RAP1GAP2: variants seen among roughly 807,000 people sequenced by gnomAD.
The protein encoded by RAP1GAP2 is RAP1 GTPase activating protein 2.
In RAP1GAP2, 27 loss-of-function variants were observed where a neutral mutation model predicts 95.0. The ratio of observed to expected loss-of-function variants is 0.28; its 90% CI spans 0.21 to 0.39. RAP1GAP2 has a LOEUF of 0.39. Ranked by LOEUF, RAP1GAP2 falls within the 10% of genes least tolerant of loss-of-function variation. The pLI, the probability that RAP1GAP2 is intolerant of heterozygous loss-of-function variation, is 1.00. For missense variants in RAP1GAP2, 771 were observed against 970.0 expected (o/e 0.79, Z 2.72); for synonymous variants, 373 against 380.9 (o/e 0.98, Z 0.24).
chr17:2,950,061 C>CTTTTTT (rs35321854), intron 3 of RAP1GAP2, among the ~76,000 whole-genome samples: 253 of 141,274 alleles, frequency 1.8e-3, no homozygotes, highest in African/African-American at 5.9e-3. Flanking sequence ...TCTTCTTCTT[C>CTTTTTT]TTTTTTTTTT....
At chr17:2,828,233 C>T (rs1409226804) in intron 2 of RAP1GAP2, among the ~76,000 whole-genome samples, 2 of 152,024 alleles carry the variant, frequency 1.3e-5, no homozygotes, top group Non-Finnish European at 2.9e-5. Context: ...CCCAGCTACT[C>T]GGGAGGCTGA....
chr17:2,889,890 T>TA (rs1491260344), intron 2 of RAP1GAP2, among the ~76,000 whole-genome samples: 3,202 of 28,646 alleles, frequency 0.11, 30 homozygotes, highest in Non-Finnish European at 0.13. Flanking sequence ...TATATATATA[T>TA]TTTTTTTTTT....
rs530339007 is a variant in RAP1GAP2 at position 2,927,687 on chromosome 17, G to A, written c.165+22319G>A. On this transcript the variant is annotated intron_variant, in intron 3 of 24. Coordinates refer to ENST00000254695, the MANE Select transcript of RAP1GAP2 (RefSeq NM_015085.5). ...CACCTCTGGGTGTGAGTGTTGGGGG[G>A]CAGTATTTGGCCTATCACAAGGACC... 2.0e-5 allele frequency among the ~76,000 whole-genome samples: 3 copies of A among 152,318 alleles called. No individual in the cohort carries two copies. The South Asian group carries it at 6.2e-4, about 32-fold the overall frequency.
At chr17:2,989,388 A>G (rs1443896978) in intron 11 of RAP1GAP2, among the ~76,000 whole-genome samples, 1 of 152,044 alleles carries the variant, frequency 6.6e-6, no homozygotes, top group Non-Finnish European at 1.5e-5. Context: ...GCTGGAGTGC[A>G]GTGGTGTGAT....
chr17:3,013,042 G>T (rs2046616275), intron 17 of RAP1GAP2, among the ~76,000 whole-genome samples: 1 of 152,216 alleles, frequency 6.6e-6, no homozygotes, highest in East Asian at 1.9e-4. Flanking sequence ...GGAGGAGAAG[G>T]CTGCCGGGCT....
At chr17:2,928,947 G>GA (rs1168964728) in intron 3 of RAP1GAP2, among the ~76,000 whole-genome samples, 1 of 152,100 alleles carries the variant, frequency 6.6e-6, no homozygotes, top group Admixed American at 6.5e-5. Context: ...CCAGGGTGGG[G>GA]AGCTGTCTGG....
At position 3,033,152 on chromosome 17, in the gene RAP1GAP2, C is replaced by A. The variant is rs1474105661; in HGVS notation, c.*31-240C>A. The A allele has an allele frequency of 2.0e-5, 3 of 152,614 alleles. No homozygotes were observed. The highest frequency in any genetic ancestry group is 7.2e-5 in the African/African-American group (3 of 41,436). 9.5% of individuals were successfully genotyped at this position (152,614 alleles called of 1,614,324 possible). A position where few individuals can be genotyped will look rare whatever the true frequency, so the allele number is the denominator to read the frequency against. On this transcript the variant is annotated intron_variant, in intron 24 of 24. Transcript: ENST00000254695. The surrounding 1 kb of genome is among the most constrained non-coding windows in gnomAD (Gnocchi z 4.9). ...GACAAATGGGCATATGGACCTTCAC[C>A]CCCGGCTCCCATCACGCACTCTGGA...
At chr17:2,828,833 C>T (rs997227530) in intron 2 of RAP1GAP2, among the ~76,000 whole-genome samples, 1 of 152,172 alleles carries the variant, frequency 6.6e-6, no homozygotes, top group African/African-American at 2.4e-5. Flanking sequence ...TTTGCTTGCT[C>T]CCTCTCCAGA....
rs189875602 is a variant in RAP1GAP2 at position 2,866,452 on chromosome 17, G to C, written c.81-38832G>C. ...TAGAATACAAAAACAGAGTCAGTCA[G>C]TGTTATACATGAAACAATTCTGTAA... On this transcript the variant is annotated intron_variant, in intron 2 of 24. Coordinates refer to ENST00000254695, the MANE Select transcript of RAP1GAP2 (RefSeq NM_015085.5). This position sits in a 1 kb window ranked among gnomAD's most constrained non-coding sequence, Gnocchi z 4.0. 1.0e-3 allele frequency among the ~76,000 whole-genome samples: 158 copies of C among 152,326 alleles called. 1 individual carries two copies. The highest frequency in any genetic ancestry group is 3.5e-3 in the African/African-American group (147 of 41,570).
At chr17:3,025,806 T>A (rs1182666969) in intron 19 of RAP1GAP2, among the ~76,000 whole-genome samples, 1 of 152,142 alleles carries the variant, frequency 6.6e-6, no homozygotes, top group African/African-American at 2.4e-5. Flanking sequence ...TAGTCCCTGT[T>A]GTAGGGACCG....
At position 2,915,524 on chromosome 17, in the gene RAP1GAP2, C is replaced by T. The variant is rs986176990; in HGVS notation, c.165+10156C>T. On this transcript the variant is annotated intron_variant, in intron 3 of 24. Transcript: ENST00000254695. ...TGCTGGTATTACAGGCGTGAGCCAA[C>T]GCGCCTGGCCCATTTCTTTTCTTAA... 7.2e-5 allele frequency among the ~76,000 whole-genome samples: 11 copies of T among 152,102 alleles called. No individual in the cohort carries two copies. In the East Asian group the frequency reaches 9.7e-4, roughly 13 times the overall value.
Position 2,906,028 on chromosome 17 carries a change from C to T in RAP1GAP2, c.165+660C>T, listed in dbSNP as rs941478956. On this transcript the variant is annotated intron_variant, in intron 3 of 24. Coordinates refer to ENST00000254695, the MANE Select transcript of RAP1GAP2 (RefSeq NM_015085.5). The surrounding 1 kb of genome is among the most constrained non-coding windows in gnomAD (Gnocchi z 4.3). ...ATGGCCACACAGGCCTGAGCTGGTC[C>T]TCAGAGGAGACTTTTGGCTCAGCCA... Among the ~76,000 whole-genome samples the T allele has an allele frequency of 1.3e-5, 2 of 152,308 alleles. No individual in the cohort carries two copies. Among genetic ancestry groups the T allele is most frequent in the African/African-American group, 4.8e-5 (2 of 41,570 alleles).
At chr17:2,975,676 A>G (rs2045081079) in intron 8 of RAP1GAP2, among the ~76,000 whole-genome samples, 1 of 152,200 alleles carries the variant, frequency 6.6e-6, no homozygotes, top group Non-Finnish European at 1.5e-5. Flanking sequence ...CCTCTTGGAC[A>G]GAGCTGCCCT....
rs370844253 is a variant in RAP1GAP2 at position 2,914,572 on chromosome 17, G to C, written c.165+9204G>C. ...GTGGCCCGATCTCAGCTCACTGCAA[G>C]CTCTGCCTCCTGGGTTCACACCATT... On this transcript the variant is annotated intron_variant, in intron 3 of 24. Coordinates refer to ENST00000254695, the MANE Select transcript of RAP1GAP2 (RefSeq NM_015085.5). Among the ~76,000 whole-genome samples the C allele has an allele frequency of 6.9e-4, 105 of 151,166 alleles. No individual in the cohort carries two copies. The East Asian group carries it at 0.021, about 30-fold the overall frequency.
exon 2 of RAP1GAP2, chr17:2,770,421 G>A (rs549580044): frequency 4.8e-5 from 19 of 398,658 alleles, no homozygotes; most frequent in African/African-American, 1.8e-4. Flanking sequence ...ATCCTCAGCC[G>A]GGCTGACCTC....
At chr17:2,996,729 G>A (rs990619081) in intron 13 of RAP1GAP2, among the ~76,000 whole-genome samples, 1 of 152,254 alleles carries the variant, frequency 6.6e-6, no homozygotes, top group African/African-American at 2.4e-5. Context: ...CCTTGGCACA[G>A]GGCTCGGCTC....
upstream of RAP1GAP2, among the ~76,000 whole-genome samples, chr17:2,794,870 C>CTTTT (rs148825285): frequency 1.0e-4 from 6 of 57,936 alleles, no homozygotes; most frequent in African/African-American, 3.1e-4. Context: ...CGTTTTTTTC[C>CTTTT]TTTTTTTTTT....
At chr17:2,921,726 A>C (rs953243035) in intron 3 of RAP1GAP2, among the ~76,000 whole-genome samples, 5 of 151,730 alleles carry the variant, frequency 3.3e-5, no homozygotes, top group Non-Finnish European at 7.4e-5. Context: ...CAGGGCCGTT[A>C]AGGTGTCAGC....
intron 14 of RAP1GAP2, among the ~76,000 whole-genome samples, chr17:2,999,221 CCTCTGCT>C (rs1341701450): frequency 1.3e-5 from 2 of 152,208 alleles, no homozygotes; most frequent in African/African-American, 4.8e-5. Flanking sequence ...GACCCTCCCT[CCTCTGCT>C]CCACGAGAAA....
Sources: allele counts gnomAD v4.1 joint callset (sites outside exome capture counted in the v4.1 genomes callset), GRCh38; gene constraint gnomAD v4.1.1; non-coding constraint Gnocchi (gnomAD v3.1); transcripts MANE v1.5; gene names NCBI Gene and HGNC (gene_info 2026-07-23, HGNC 2026-07-21).